RALGAPA1: variants seen among roughly 807,000 people sequenced by gnomAD.
RALGAPA1 encodes Ral GTPase activating protein catalytic subunit alpha 1.
A neutral mutation model predicts 269.6 loss-of-function variants in RALGAPA1; 52 were observed. The ratio of observed to expected loss-of-function variants is 0.19; its 90% confidence interval spans 0.15 to 0.24. The LOEUF (loss-of-function observed/expected upper bound fraction) is 0.24, where lower values mean the gene tolerates loss of function less well. RALGAPA1 is among the 10% of genes least tolerant of loss of function. The probability of loss-of-function intolerance (pLI) is 1.00; values close to 1 mark genes in which losing one functional copy is unlikely to be tolerated. For missense variants in RALGAPA1, 1,917 were observed against 3,013.9 expected, an observed-to-expected ratio of 0.64 and a Z score of 8.52; for synonymous variants, 817 against 1,008.3, an observed-to-expected ratio of 0.81 and a Z score of 3.60.
At chr14:35,792,176 A>G (rs2076225644) in intron 1 of RALGAPA1, among the ~76,000 whole-genome samples, 1 of 152,008 alleles carries the variant, frequency 6.6e-6, no homozygotes, top group African/African-American at 2.4e-5. Context: ...GGTTTTTTTG[A>G]GACAGAGTCT....
At chr14:35,634,958 G>C (rs2061578647) in intron 32 of RALGAPA1, among the ~76,000 whole-genome samples, 1 of 152,092 alleles carries the variant, frequency 6.6e-6, no homozygotes, top group Admixed American at 6.5e-5. Flanking sequence ...GATCACTTGA[G>C]ATCAGGAGTT....
intron 39 of RALGAPA1, among the ~76,000 whole-genome samples, chr14:35,570,327 A>C (rs1331402589): frequency 6.6e-6 from 1 of 151,670 alleles, no homozygotes; most frequent in South Asian, 2.1e-4. Flanking sequence ...AACTGCTCCA[A>C]CACTGGGGAG....
intron 6 of RALGAPA1, among the ~76,000 whole-genome samples, 155 bp downstream of exon 6, chr14:35,760,674 C>T (rs2073623336): frequency 6.6e-6 from 1 of 152,206 alleles, no homozygotes; most frequent in South Asian, 2.1e-4. Context: ...TCTTGATCTG[C>T]TGACTTCACC....
chr14:35,707,913 GAC>G (rs751320508), intron 16 of RALGAPA1, among the ~76,000 whole-genome samples: 1 of 152,028 alleles, frequency 6.6e-6, no homozygotes, highest in Non-Finnish European at 1.5e-5. Flanking sequence ...CACAAAAACA[GAC>G]ACACAGACCA....
At chr14:35,624,961 C>T (rs1225107357) in intron 35 of RALGAPA1, among the ~76,000 whole-genome samples, 1 of 151,926 alleles carries the variant, frequency 6.6e-6, no homozygotes, top group Admixed American at 6.6e-5. Flanking sequence ...GAGGCCGAGG[C>T]GGGCAGATCA....
chr14:35,627,317 A>T lies in RALGAPA1; in HGVS notation c.6630T>A (p.Asn2210Lys). 1 of 1,610,054 alleles carries T rather than the reference A, an allele frequency of 6.2e-7. No homozygotes were observed. Among genetic ancestry groups the T allele is most frequent in the Non-Finnish European group, 8.5e-7 (1 of 1,178,988 alleles). ...ECLQRTGISL[N>K]IPAPQPVCIS... Reference sequence around the variant, plus strand: ...TGCACACAGGTTGTGGAGCAGGAATATTAAGTGAGATTCCAGTTCTCTGTA... The same window carrying T: ...TGCACACAGGTTGTGGAGCAGGAATTTTAAGTGAGATTCCAGTTCTCTGTA... Residue 2210 changes from asparagine to lysine, a missense_variant, in exon 34 of 42, where the codon AAT becomes AAA. Physicochemically the swap from Asn to Lys is moderately conservative, Grantham distance 94. This residue lies in a region of RALGAPA1 where 132 missense variants were observed against 271.2 expected (regional missense o/e 0.49). Transcript: ENST00000680220.
chr14:35,721,721 T>G lies in RALGAPA1; in HGVS notation c.2233A>C (p.Lys745Gln). ...TTTTGCCGTACTATACTCCTCGCCT[T>G]TTCGGTTCCTGGAGAACCAGTGGTT... ...ATTTGSPGTE[K>Q]ARSIVRQKTV... is the part of the protein sequence containing the mutation. The change falls in exon 16 of 42, where the codon AAG becomes CAG. Residue 745 changes from lysine to glutamine, a missense_variant. Physicochemically the swap from Lys to Gln is moderately conservative, Grantham distance 53. Around this residue, in one of 11 missense-constraint regions of RALGAPA1, gnomAD observed 125 missense variants for 155.7 expected, o/e 0.80. Coordinates refer to ENST00000680220, the MANE Select transcript of RALGAPA1 (RefSeq NM_001346249.2). 2 of 1,613,834 alleles carry G rather than the reference T, an allele frequency of 1.2e-6. No homozygotes were observed. The highest frequency in any genetic ancestry group is 1.7e-6 in the Non-Finnish European group (2 of 1,179,930).
At chr14:35,548,959 A>T in intron 40 of RALGAPA1, 151 bp downstream of exon 40, 2 of 928,936 alleles carry the variant, frequency 2.2e-6, no homozygotes, top group Non-Finnish European at 3.1e-6. Context: ...GAAACCATAA[A>T]TCAAATTTAT....
chr14:35,762,222 T>C (rs2073766903), intron 5 of RALGAPA1, among the ~76,000 whole-genome samples: 1 of 151,918 alleles, frequency 6.6e-6, no homozygotes, highest in African/African-American at 2.4e-5. Context: ...CCTAGAATGG[T>C]TTGTCAAACA....
At chr14:35,751,938 T>G in intron 8 of RALGAPA1, 86 bp downstream of exon 8, 1 of 1,502,764 alleles carries the variant, frequency 6.7e-7, no homozygotes, top group South Asian at 1.3e-5. Flanking sequence ...ATGATCAGTT[T>G]CCTGCAGTAA....
chr14:35,787,686 T>C (rs1354703734), intron 1 of RALGAPA1, among the ~76,000 whole-genome samples: 1 of 151,330 alleles, frequency 6.6e-6, no homozygotes, highest in Non-Finnish European at 1.5e-5. Flanking sequence ...CGTAATTCTC[T>C]CACCTCAGTC....
intron 6 of RALGAPA1, among the ~76,000 whole-genome samples, chr14:35,758,171 G>C (rs904981786): frequency 2.0e-5 from 3 of 149,894 alleles, no homozygotes; most frequent in African/African-American, 7.4e-5. Context: ...CTTGAACTGG[G>C]TGGTGGAGGT....
At chr14:35,715,096 C>A (rs1193060045) in intron 16 of RALGAPA1, among the ~76,000 whole-genome samples, 1 of 151,986 alleles carries the variant, frequency 6.6e-6, no homozygotes, top group African/African-American at 2.4e-5. Context: ...ATATTATGTT[C>A]TTCTGTTTCT....
At chr14:35,714,093 T>TAA (rs1269103441) in intron 16 of RALGAPA1, among the ~76,000 whole-genome samples, 8 of 130,150 alleles carry the variant, frequency 6.1e-5, no homozygotes, top group Admixed American at 1.6e-4. Context: ...AGACTCCGTC[T>TAA]AAAAAAAAAA....
At chr14:35,793,259 C>T (rs1246808035) in intron 1 of RALGAPA1, among the ~76,000 whole-genome samples, 5 of 144,736 alleles carry the variant, frequency 3.5e-5, no homozygotes, top group Admixed American at 7.0e-5. Context: ...TTTTTTGAGA[C>T]GGAATTTCAC....
chr14:35,652,203 A>C (rs1275820749), intron 30 of RALGAPA1, among the ~76,000 whole-genome samples: 1 of 152,126 alleles, frequency 6.6e-6, no homozygotes, highest in Non-Finnish European at 1.5e-5. Context: ...TAAAAGACAC[A>C]GATAAGAAAA....
At chr14:35,607,701 CA>C (rs1472839459) in intron 35 of RALGAPA1, among the ~76,000 whole-genome samples, 1 of 152,168 alleles carries the variant, frequency 6.6e-6, no homozygotes, top group African/African-American at 2.4e-5. Context: ...GTTATAAGGA[CA>C]AAGAACTCTG....
rs1350365317 is a variant in RALGAPA1 at position 35,580,043 on chromosome 14, C to T, written c.7210-7325G>A. On this transcript the variant is annotated intron_variant, in intron 37 of 41. Transcript: ENST00000680220. ...TCAGACCAAGCAGCACTACAAGGTTCATTTATTTGCACAACTATTGTGAGT... is the reference window on the plus strand; with the variant it reads ...TCAGACCAAGCAGCACTACAAGGTTTATTTATTTGCACAACTATTGTGAGT... Among the ~76,000 whole-genome samples, 3 of 152,232 alleles carry T rather than the reference C, an allele frequency of 2.0e-5. No homozygotes were observed. In the East Asian group the frequency reaches 5.8e-4, roughly 29 times the overall value.
At chr14:35,736,103 A>G (rs1468907915) in intron 12 of RALGAPA1, among the ~76,000 whole-genome samples, 2 of 152,208 alleles carry the variant, frequency 1.3e-5, no homozygotes, top group Admixed American at 1.3e-4. Context: ...AATATTACAG[A>G]TGAAAGATTA....
Sources: allele counts gnomAD v4.1 joint callset (sites outside exome capture counted in the v4.1 genomes callset), GRCh38; gene constraint gnomAD v4.1.1; regional missense constraint gnomAD v4.1.1; transcripts MANE v1.5; gene names NCBI Gene and HGNC (gene_info 2026-07-23, HGNC 2026-07-21).